Variants in SORCS2 observed in about 807,000 individuals in gnomAD.
The protein encoded by SORCS2 is sortilin related VPS10 domain containing receptor 2, also known as VPS10 domain-containing receptor SorCS2.
Under a neutral mutation model 141.6 loss-of-function variants are expected in SORCS2, and 100 were observed. That is an observed-to-expected ratio of 0.71 (90% CI 0.60 to 0.83). The LOEUF is 0.83. SORCS2 is among the 40% of genes least tolerant of loss of function. The pLI, the probability that SORCS2 is intolerant of heterozygous loss-of-function variation, is 0.00. For synonymous variants in SORCS2, 789 were observed against 676.9 expected, an observed-to-expected ratio of 1.17 and a Z score of -2.57; for missense variants, 1,646 against 1,560.2, an observed-to-expected ratio of 1.05 and a Z score of -0.93.
At position 7,664,830 on chromosome 4, in the gene SORCS2, C is replaced by T. The variant is rs115445099; in HGVS notation, c.1071+359C>T. ...GTCCCGGCTCTTGGCCACCAGGCAC[C>T]GGCTATCCACAGCCCTGTGACCAGG... is the stretch of plus-strand genomic sequence containing the variant. On this transcript the variant is annotated intron_variant, in intron 7 of 26. Transcript: ENST00000507866. The surrounding 1 kb of genome is among the most constrained non-coding windows in gnomAD (Gnocchi z 4.7). Among the ~76,000 whole-genome samples, 383 of 152,332 alleles carry T rather than the reference C, an allele frequency of 2.5e-3. 2 individuals are homozygous for T. The highest frequency in any genetic ancestry group is 7.8e-3 in the African/African-American group (326 of 41,580).
intron 1 of SORCS2, among the ~76,000 whole-genome samples, chr4:7,267,261 C>CT (rs1333014119): frequency 6.6e-6 from 1 of 152,150 alleles, no homozygotes; most frequent in Non-Finnish European, 1.5e-5. Context: ...CCTGTTTTAC[C>CT]TAAGCGTTAA....
chr4:7,661,451 G>T, intron 5 of SORCS2, 49 bp from the exon 6 acceptor site: 1 of 1,542,438 alleles, frequency 6.5e-7, no homozygotes, highest in Non-Finnish European at 8.8e-7. Flanking sequence ...GCTGGGGGAC[G>T]GGCATGGTGA....
intron 3 of SORCS2, among the ~76,000 whole-genome samples, chr4:7,600,656 T>TATACACACAC (rs1304491103): frequency 6.4e-5 from 9 of 140,902 alleles, no homozygotes; most frequent in African/African-American, 2.5e-4. Flanking sequence ...CATATATATA[T>TATACACACAC]ACACACACAC....
intron 2 of SORCS2, among the ~76,000 whole-genome samples, chr4:7,528,627 T>A (rs2109535761): frequency 6.6e-6 from 1 of 152,216 alleles, no homozygotes; most frequent in East Asian, 1.9e-4. Flanking sequence ...GGTTTCACCA[T>A]GTTGGCCAGT....
intron 1 of SORCS2, among the ~76,000 whole-genome samples, chr4:7,313,259 G>T (rs1196374657): frequency 6.6e-6 from 1 of 152,264 alleles, no homozygotes; most frequent in Non-Finnish European, 1.5e-5. Flanking sequence ...GGCATGATCT[G>T]GTTTGGATGC....
At chr4:7,645,276 T>C (rs1055669274) in intron 4 of SORCS2, among the ~76,000 whole-genome samples, 2 of 152,156 alleles carry the variant, frequency 1.3e-5, no homozygotes, top group Non-Finnish European at 2.9e-5. Flanking sequence ...ACCATCCTTC[T>C]TGAAGGCAAG....
At chr4:7,580,746 G>A (rs980021217) in intron 3 of SORCS2, among the ~76,000 whole-genome samples, 1 of 152,110 alleles carries the variant, frequency 6.6e-6, no homozygotes, top group Non-Finnish European at 1.5e-5. Flanking sequence ...AGCAATGTGT[G>A]GCAAGAATAT....
At chr4:7,660,879 G>C (rs934870938) in intron 5 of SORCS2, among the ~76,000 whole-genome samples, 1 of 152,122 alleles carries the variant, frequency 6.6e-6, no homozygotes, top group Non-Finnish European at 1.5e-5. Flanking sequence ...GCAGCACCAG[G>C]GGGAGGGCTG....
At chr4:7,538,970 T>C (rs1308369168) in intron 3 of SORCS2, among the ~76,000 whole-genome samples, 2 of 152,366 alleles carry the variant, frequency 1.3e-5, no homozygotes, top group East Asian at 3.9e-4. Context: ...AGTTCAGCCC[T>C]GTTCTCTAAT....
chr4:7,679,918 T>A (rs1410692004), intron 9 of SORCS2, among the ~76,000 whole-genome samples: 4 of 152,212 alleles, frequency 2.6e-5, no homozygotes, highest in Non-Finnish European at 4.4e-5. Context: ...AGCATTTTCA[T>A]GGAGACCCAG....
chr4:7,404,742 G>A (rs1022128273), intron 2 of SORCS2, among the ~76,000 whole-genome samples: 1 of 152,000 alleles, frequency 6.6e-6, no homozygotes, highest in Non-Finnish European at 1.5e-5. Context: ...TCCTTATAAA[G>A]TCTGGATATT....
chr4:7,433,759 G>T (rs61738677), intron 2 of SORCS2: 192,224 of 1,613,146 alleles, frequency 0.12, 12,603 homozygotes, highest in Middle Eastern at 0.22. Context: ...ATCATGGACT[G>T]CCCGGGCCCG....
intron 1 of SORCS2, among the ~76,000 whole-genome samples, chr4:7,247,565 G>A (rs1560138411): frequency 6.6e-6 from 1 of 152,220 alleles, no homozygotes; most frequent in African/African-American, 2.4e-5. Flanking sequence ...GACTATTCCT[G>A]TGCGTTTTCT....
At chr4:7,459,641 C>G (rs925836802) in intron 2 of SORCS2, among the ~76,000 whole-genome samples, 1 of 152,194 alleles carries the variant, frequency 6.6e-6, no homozygotes, top group Non-Finnish European at 1.5e-5. Context: ...CTGGCCCAGC[C>G]TGGGGTGTCC....
chr4:7,292,381 T>C (rs1487212462), intron 1 of SORCS2, among the ~76,000 whole-genome samples: 12 of 152,072 alleles, frequency 7.9e-5, no homozygotes, highest in Non-Finnish European at 4.4e-5. Flanking sequence ...CTGCATTGAG[T>C]GCTCGGGAGA....
rs1720003680 is a variant in SORCS2, at chr4:7,336,589, T to C, written c.481-59699T>C. On this transcript the variant is annotated intron_variant, in intron 1 of 26. Coordinates refer to ENST00000507866, the MANE Select transcript of SORCS2 (RefSeq NM_020777.3). ...ATGGGGTTTCTAGGGTCCCAGGACC[T>C]CCTGTTCGCATCTTGGTGGAAGCGC... Among the ~76,000 whole-genome samples, 2 of 79,128 alleles carry C rather than the reference T, an allele frequency of 2.5e-5. 1 individual carries two copies. The highest frequency in any genetic ancestry group is 1.2e-4 in the African/African-American group (2 of 17,330). 51.9% of individuals were successfully genotyped at this position (79,128 alleles called of 152,430 possible).
At chr4:7,383,094 G>A (rs1723090291) in intron 1 of SORCS2, among the ~76,000 whole-genome samples, 1 of 152,034 alleles carries the variant, frequency 6.6e-6, no homozygotes, top group Non-Finnish European at 1.5e-5. Flanking sequence ...TGCCCCGCGG[G>A]GCTGCTGAGG....
intron 2 of SORCS2, among the ~76,000 whole-genome samples, chr4:7,439,348 C>T (rs1727508731): frequency 6.6e-6 from 1 of 152,186 alleles, no homozygotes; most frequent in Non-Finnish European, 1.5e-5. Flanking sequence ...CCTATTTACC[C>T]CTTACTGAAC....
intron 22 of SORCS2, among the ~76,000 whole-genome samples, chr4:7,728,895 C>A (rs35854850): frequency 2.6e-5 from 4 of 152,030 alleles, no homozygotes; most frequent in Non-Finnish European, 1.5e-5. Context: ...GACATCAGGG[C>A]GGGCTGTAGC....
Sources: allele counts gnomAD v4.1 joint callset (sites outside exome capture counted in the v4.1 genomes callset), GRCh38; gene constraint gnomAD v4.1.1; non-coding constraint Gnocchi (gnomAD v3.1); transcripts MANE v1.5; gene names NCBI Gene and HGNC (gene_info 2026-07-23, HGNC 2026-07-21).